The following SORCS2 variants were observed in gnomAD, a reference collection of about 807,000 sequenced individuals.
SORCS2 encodes sortilin related VPS10 domain containing receptor 2, also known as VPS10 domain-containing receptor SorCS2.
In SORCS2, 100 loss-of-function variants were observed where a neutral mutation model predicts 141.6. That is an observed-to-expected ratio of 0.71 (90% CI 0.60 to 0.83). The LOEUF (loss-of-function observed/expected upper bound fraction) is 0.83. Ranked by LOEUF, SORCS2 falls within the 40% of genes least tolerant of loss-of-function variation. SORCS2 has a pLI of 0.00. For synonymous variants in SORCS2, 789 were observed against 676.9 expected, an observed-to-expected ratio of 1.17 and a Z score of -2.57; for missense variants, 1,646 against 1,560.2, an observed-to-expected ratio of 1.05 and a Z score of -0.93.
intron 4 of SORCS2, among the ~76,000 whole-genome samples, chr4:7,642,919 A>C (rs1477857440): frequency 1.3e-5 from 2 of 152,202 alleles, no homozygotes; most frequent in Admixed American, 1.3e-4. Flanking sequence ...GGAAAACATC[A>C]CATCTACTCA....
At chr4:7,625,651 C>T (rs1000149735) in intron 3 of SORCS2, among the ~76,000 whole-genome samples, 2 of 147,972 alleles carry the variant, frequency 1.4e-5, no homozygotes, top group Non-Finnish European at 1.5e-5. Context: ...CAGCACTCTT[C>T]ATTAACCCTT....
Position 7,682,178 on chromosome 4 carries a change from G to T in SORCS2, c.1342-565G>T, listed in dbSNP as rs181346800. Among the ~76,000 whole-genome samples, 230 of 152,308 alleles carry T rather than the reference G, an allele frequency of 1.5e-3. 1 individual carries two copies. The highest frequency in any genetic ancestry group is 2.6e-3 in the Non-Finnish European group (177 of 68,028). ...TAGGAAACCTTGAGAAAGGGACCAG[G>T]TTAGCCCTGAGCAATGAAGGCAAGT... On this transcript the variant is annotated intron_variant, in intron 9 of 26. Coordinates refer to ENST00000507866, the MANE Select transcript of SORCS2 (RefSeq NM_020777.3).
At chr4:7,406,315 G>T (rs992571937) in intron 2 of SORCS2, among the ~76,000 whole-genome samples, 6 of 148,932 alleles carry the variant, frequency 4.0e-5, no homozygotes, top group African/African-American at 1.5e-4. Context: ...ATTGGTATCA[G>T]TTCTTCTTTA....
At chr4:7,561,650 G>A (rs866312019) in intron 3 of SORCS2, among the ~76,000 whole-genome samples, 1,670 of 95,434 alleles carry the variant, frequency 0.017, 35 homozygotes, top group African/African-American at 0.083. Flanking sequence ...CCATCCATCC[G>A]TCTACCCATT....
At chr4:7,396,582 G>A (rs1293319425) in intron 2 of SORCS2, among the ~76,000 whole-genome samples, 2 of 152,244 alleles carry the variant, frequency 1.3e-5, no homozygotes, top group Admixed American at 6.5e-5. Context: ...TGTTCAGAAA[G>A]CGTCTTGGCT....
chr4:7,384,771 G>A (rs367714517), intron 1 of SORCS2, among the ~76,000 whole-genome samples: 7 of 152,198 alleles, frequency 4.6e-5, no homozygotes, highest in African/African-American at 1.7e-4. Flanking sequence ...CTTCAGCTCT[G>A]TGAGGCTCAG....
At chr4:7,285,548 C>G (rs1218801128) in intron 1 of SORCS2, among the ~76,000 whole-genome samples, 2 of 152,246 alleles carry the variant, frequency 1.3e-5, no homozygotes. Flanking sequence ...GTGTTCCTCC[C>G]TGGAAGACAT....
chr4:7,656,602 C>A (rs1279001667), intron 5 of SORCS2, among the ~76,000 whole-genome samples: 2 of 152,252 alleles, frequency 1.3e-5, no homozygotes, highest in Non-Finnish European at 2.9e-5. Flanking sequence ...CTCGGTCCAC[C>A]TCTGGCTGTG....
At chr4:7,194,577 G>A (rs1389759216) in intron 1 of SORCS2, among the ~76,000 whole-genome samples, 1 of 152,188 alleles carries the variant, frequency 6.6e-6, no homozygotes, top group Non-Finnish European at 1.5e-5. Flanking sequence ...TTGGAGGGGA[G>A]AGCTGGCTCC....
At position 7,530,368 on chromosome 4, in the gene SORCS2, C is replaced by A. The variant is rs1038955442; in HGVS notation, c.549-1162C>A. 3.3e-5 allele frequency among the ~76,000 whole-genome samples: 5 copies of A among 152,294 alleles called. 1 individual carries two copies. ...ACTGAAGCCTGGCTCCAGCCCAAGG[C>A]CCCCTTGCCCAAGCTGGAGAGTTGC... On this transcript the variant is annotated intron_variant, in intron 2 of 26. Coordinates refer to ENST00000507866, the MANE Select transcript of SORCS2 (RefSeq NM_020777.3).
intron 1 of SORCS2, among the ~76,000 whole-genome samples, chr4:7,384,719 C>T (rs1723188811): frequency 6.6e-6 from 1 of 152,200 alleles, no homozygotes; most frequent in Non-Finnish European, 1.5e-5. Context: ...GTGCCGGTTG[C>T]TCCCTCTGGA....
chr4:7,732,736 G>T (rs796289707), intron 23 of SORCS2, among the ~76,000 whole-genome samples: 118 of 152,220 alleles, frequency 7.8e-4, no homozygotes, highest in African/African-American at 2.7e-3. Context: ...TCCGTAGCCT[G>T]TGTCTTTTAC....
chr4:7,636,548 G>T (rs1269274840), intron 3 of SORCS2, among the ~76,000 whole-genome samples: 1 of 151,988 alleles, frequency 6.6e-6, no homozygotes, highest in Non-Finnish European at 1.5e-5. Flanking sequence ...AAAGCAAAAT[G>T]GCCCCGGGGC....
intron 3 of SORCS2, among the ~76,000 whole-genome samples, chr4:7,537,277 C>T (rs1254340295): frequency 1.3e-5 from 2 of 152,194 alleles, no homozygotes; most frequent in Non-Finnish European, 2.9e-5. Context: ...CCCCTTCAAG[C>T]TCCACTATCC....
intron 10 of SORCS2, among the ~76,000 whole-genome samples, chr4:7,683,404 TCAGCTGGGTGGC>T (rs1723682018): frequency 6.8e-6 from 1 of 147,440 alleles, no homozygotes; most frequent in African/African-American, 2.5e-5. Flanking sequence ...TTGTCTGGGC[TCAGCTGGGTGGC>T]TCTGCTGATC....
chr4:7,422,111 G>A (rs1004600307), intron 2 of SORCS2, among the ~76,000 whole-genome samples: 1 of 152,164 alleles, frequency 6.6e-6, no homozygotes, highest in African/African-American at 2.4e-5. Flanking sequence ...CCACCATCTT[G>A]TACGGGTTAA....
chr4:7,236,237 G>A (rs1319531600), intron 1 of SORCS2, among the ~76,000 whole-genome samples: 1 of 152,214 alleles, frequency 6.6e-6, no homozygotes, highest in Non-Finnish European at 1.5e-5. Flanking sequence ...TTTTAGGTAG[G>A]GTGGCCAGAG....
intron 1 of SORCS2, among the ~76,000 whole-genome samples, chr4:7,299,172 G>C (rs987249549): frequency 6.6e-6 from 1 of 152,220 alleles, no homozygotes; most frequent in African/African-American, 2.4e-5. Context: ...TGCAGTCAGG[G>C]CGGCCTGTCC....
intron 2 of SORCS2, among the ~76,000 whole-genome samples, chr4:7,443,451 G>C (rs1254103918): frequency 6.6e-6 from 1 of 152,170 alleles, no homozygotes; most frequent in Non-Finnish European, 1.5e-5. Flanking sequence ...AACCCCCTGA[G>C]ATCACACAGG....
Sources: gnomAD v4.1 joint callset for allele counts (sites outside exome capture counted in the v4.1 genomes callset) on GRCh38, gnomAD v4.1.1 for gene constraint, MANE v1.5 for transcripts, NCBI Gene and HGNC (gene_info 2026-07-23, HGNC 2026-07-21) for gene names.